ARL15: variants seen among roughly 807,000 people sequenced by gnomAD.
ARL15 encodes the protein ARF like GTPase 15.
In ARL15, 19 loss-of-function variants were observed where a neutral mutation model predicts 25.2. The ratio of observed to expected loss-of-function variants is 0.75; its 90% confidence interval spans 0.53 to 1.10. ARL15 has a LOEUF of 1.10. Ranked by LOEUF, ARL15 falls within the 50% of genes least tolerant of loss-of-function variation. The pLI is 0.00. For synonymous variants in ARL15, 94 were observed against 86.8 expected, an observed-to-expected ratio of 1.08 and a Z score of -0.46; for missense variants, 220 against 246.0, an observed-to-expected ratio of 0.89 and a Z score of 0.71.
intron 4 of ARL15, chr5:53,887,351 T>C (rs72763113): frequency 0.015 from 10,464 of 701,018 alleles, 102 homozygotes; most frequent in Middle Eastern, 0.022. Flanking sequence ...TAAAATCTTC[T>C]ACCTTTTTTT....
At chr5:54,036,588 A>G (rs2111922269) in intron 4 of ARL15, among the ~76,000 whole-genome samples, 1 of 152,266 alleles carries the variant, frequency 6.6e-6, no homozygotes, top group East Asian at 1.9e-4. Context: ...CTTGGGGGAA[A>G]AAAAAAACTA....
At chr5:54,238,124 G>A (rs957869085) in intron 1 of ARL15, among the ~76,000 whole-genome samples, 12 of 152,068 alleles carry the variant, frequency 7.9e-5, no homozygotes, top group Non-Finnish European at 1.6e-4. Flanking sequence ...CATCCTTCCT[G>A]GCATTATGGT....
intron 4 of ARL15, among the ~76,000 whole-genome samples, chr5:53,940,728 CTTTT>C (rs998432230): frequency 1.3e-5 from 2 of 152,132 alleles, no homozygotes; most frequent in African/African-American, 4.8e-5. Flanking sequence ...ACTTCTAGAG[CTTTT>C]ATGTTTCATA....
intron 1 of ARL15, among the ~76,000 whole-genome samples, chr5:54,269,441 C>T (rs1440151285): frequency 6.6e-6 from 1 of 151,954 alleles, no homozygotes; most frequent in Non-Finnish European, 1.5e-5. Flanking sequence ...TTTCCTGTGG[C>T]CGTAAGTTTT....
intron 4 of ARL15, among the ~76,000 whole-genome samples, chr5:54,092,072 A>ACACACACACACACACACC (rs1161083652): frequency 8.0e-5 from 12 of 149,630 alleles, no homozygotes; most frequent in African/African-American, 3.0e-4. Flanking sequence ...ACACACACAC[A>ACACACACACACACACACC]CCACCACCAC....
chr5:53,925,344 T>C (rs1266459064), intron 4 of ARL15, among the ~76,000 whole-genome samples: 5 of 152,214 alleles, frequency 3.3e-5, no homozygotes, highest in Non-Finnish European at 7.4e-5. Context: ...CACAGCTGCA[T>C]GCCACCATGC....
At chr5:53,941,688 AGAT>A (rs879873488) in intron 4 of ARL15, among the ~76,000 whole-genome samples, 9 of 152,270 alleles carry the variant, frequency 5.9e-5, no homozygotes, top group Admixed American at 5.9e-4. Flanking sequence ...CTCAACTATT[AGAT>A]AATAGCAGGC....
At chr5:53,912,688 C>T (rs1248140579) in intron 4 of ARL15, among the ~76,000 whole-genome samples, 1 of 152,186 alleles carries the variant, frequency 6.6e-6, no homozygotes, top group East Asian at 1.9e-4. Context: ...TGGCTTCCCA[C>T]ATATCATGTG....
chr5:54,144,674 C>T (rs763046035), intron 3 of ARL15, among the ~76,000 whole-genome samples: 2 of 152,054 alleles, frequency 1.3e-5, no homozygotes, highest in Non-Finnish European at 2.9e-5. Context: ...TCTCTGTGTG[C>T]CAGCTCTTTT....
chr5:54,288,549 C>A (rs2112683845), intron 1 of ARL15, among the ~76,000 whole-genome samples: 1 of 152,324 alleles, frequency 6.6e-6, no homozygotes, highest in East Asian at 1.9e-4. Flanking sequence ...GAGAATGTGA[C>A]AGAACCACAA....
chr5:53,906,149 GCTGAAATCT>G (rs1381757998), intron 4 of ARL15, among the ~76,000 whole-genome samples: 3 of 152,158 alleles, frequency 2.0e-5, no homozygotes, highest in African/African-American at 7.2e-5. Flanking sequence ...ATACGGAAAT[GCTGAAATCT>G]CCTGCAGCTG....
chr5:54,045,260 A>G (rs1750470114), intron 4 of ARL15, among the ~76,000 whole-genome samples: 1 of 152,134 alleles, frequency 6.6e-6, no homozygotes, highest in African/African-American at 2.4e-5. Context: ...CATTTGTTCT[A>G]AGTATAGTTG....
intron 4 of ARL15, among the ~76,000 whole-genome samples, chr5:53,934,483 C>A (rs3797278): frequency 0.078 from 11,831 of 151,986 alleles, 715 homozygotes; most frequent in East Asian, 0.33. Flanking sequence ...ATAAACTTGA[C>A]AGCTGCCCAA....
intron 4 of ARL15, among the ~76,000 whole-genome samples, chr5:54,047,561 G>A (rs1750561820): frequency 1.3e-5 from 2 of 152,216 alleles, no homozygotes; most frequent in African/African-American, 2.4e-5. Flanking sequence ...TGGCCCGGAG[G>A]TAGAGTACTG....
chr5:54,307,376 A>T (rs72756298), intron 1 of ARL15, among the ~76,000 whole-genome samples: 44,135 of 152,104 alleles, frequency 0.29, 8,068 homozygotes, highest in Non-Finnish European at 0.39. Context: ...ATCTGATTCA[A>T]CAAATAAAAT....
chr5:54,172,196 C>T (rs1481539996), intron 1 of ARL15, among the ~76,000 whole-genome samples: 2 of 152,084 alleles, frequency 1.3e-5, no homozygotes, highest in South Asian at 2.1e-4. Context: ...ATGACATCAT[C>T]CCACAGCTTG....
chr5:54,280,953 G>C (rs1203807111), intron 1 of ARL15, among the ~76,000 whole-genome samples: 1 of 150,348 alleles, frequency 6.7e-6, no homozygotes, highest in Non-Finnish European at 1.5e-5. Flanking sequence ...AGGCATTTGG[G>C]TCAACTGACA....
intron 4 of ARL15, among the ~76,000 whole-genome samples, chr5:53,974,028 T>C (rs1445950062): frequency 6.6e-6 from 1 of 151,920 alleles, no homozygotes; most frequent in Non-Finnish European, 1.5e-5. Context: ...GGGTTTGTGG[T>C]CTGTCTGGGA....
chr5:54,115,549 G>A (rs993946060), intron 3 of ARL15, among the ~76,000 whole-genome samples: 1 of 152,104 alleles, frequency 6.6e-6, no homozygotes. Context: ...AAAAAGAAAA[G>A]CTCATACAAT....
Sources: allele counts gnomAD v4.1 joint callset (sites outside exome capture counted in the v4.1 genomes callset), GRCh38; gene constraint gnomAD v4.1.1; transcripts MANE v1.5; gene names NCBI Gene and HGNC (gene_info 2026-07-23, HGNC 2026-07-21).